Variants in MYO1F observed in about 807,000 individuals in gnomAD.
MYO1F encodes myosin IF.
Under a neutral mutation model 146.6 loss-of-function variants are expected in MYO1F, and 60 were observed. The observed-to-expected ratio is 0.41, with a 90% CI of 0.33 to 0.51. The LOEUF is 0.51. MYO1F is among the 20% of genes least tolerant of loss of function. The pLI is 0.25. For missense variants in MYO1F, 1,274 were observed against 1,534.3 expected (o/e 0.83, Z 2.83); for synonymous variants, 602 against 602.1 (o/e 1.00, Z 0.00).
intron 14 of MYO1F, among the ~76,000 whole-genome samples, chr19:8,543,699 G>GTGC (rs1568348479): frequency 5.3e-4 from 10 of 19,014 alleles, no homozygotes; most frequent in African/African-American, 1.8e-3. Context: ...GGTGGTGGTG[G>GTGC]TGGTGGTGCT....
chr19:8,572,976 A>G (rs2042137745), intron 1 of MYO1F, among the ~76,000 whole-genome samples: 1 of 152,198 alleles, frequency 6.6e-6, no homozygotes, highest in African/African-American at 2.4e-5. Context: ...GATTACAGGC[A>G]TGAGCCATTG....
rs934776190 is a variant in MYO1F, at chr19:8,551,820, C to T, written c.691G>A (p.Asp231Asn). 9 of 1,613,974 alleles carry T rather than the reference C, an allele frequency of 5.6e-6. No homozygotes were observed. Among genetic ancestry groups the T allele is most frequent in the East Asian group, 2.2e-5 (1 of 44,886 alleles). Residue 231 changes from aspartate (D) to asparagine (N), a missense_variant, in exon 8 of 28, where the codon GAC becomes AAC. Asp to Asn is a conservative substitution (Grantham distance 23). Coordinates refer to ENST00000644032, the MANE Select transcript of MYO1F (RefSeq NM_012335.4). ...QRQNLGLMTP[D>N]YYYYLNQSDT... ...GATTGGTTGAGGTAGTAATAGTAGT[C>T]CGGTGTCATGAGGCCCAGGTTCTGC... is the stretch of plus-strand genomic sequence containing the variant.
intron 10 of MYO1F, 156 bp downstream of exon 10, chr19:8,550,004 T>C: frequency 1.2e-6 from 1 of 811,896 alleles, no homozygotes; most frequent in Admixed American, 2.1e-5. Context: ...CTTGCTATGT[T>C]GCCCAGGCTG....
intron 27 of MYO1F, among the ~76,000 whole-genome samples, chr19:8,521,899 C>T (rs984751870): frequency 1.3e-5 from 2 of 152,154 alleles, no homozygotes; most frequent in African/African-American, 2.4e-5. Flanking sequence ...AAGTGATCCT[C>T]CTGCCTCAGC....
At chr19:8,525,655 C>A in intron 24 of MYO1F, 93 bp from the exon 25 acceptor site, 1 of 1,080,150 alleles carries the variant, frequency 9.3e-7, no homozygotes. Context: ...CCGCCGCACC[C>A]CGCCCCCTCA....
At chr19:8,569,098 T>TTGAATGAA (rs200334457) in intron 1 of MYO1F, among the ~76,000 whole-genome samples, 1 of 151,962 alleles carries the variant, frequency 6.6e-6, no homozygotes, top group South Asian at 2.1e-4. Flanking sequence ...TACATACTTG[T>TTGAATGAA]TGAATGAATG....
chr19:8,522,274 G>T (rs1466635412), intron 27 of MYO1F, 103 bp downstream of exon 27: 1 of 1,444,564 alleles, frequency 6.9e-7, no homozygotes, highest in Admixed American at 1.7e-5. Context: ...TGCCCGCCTT[G>T]GCCTCCCAAA....
intron 1 of MYO1F, among the ~76,000 whole-genome samples, chr19:8,556,345 TA>T (rs1258123546): frequency 6.7e-6 from 1 of 148,914 alleles, no homozygotes; most frequent in Non-Finnish European, 1.5e-5. Context: ...TTTTTTTAAT[TA>T]AAAAATTTTT....
At chr19:8,560,317 T>C (rs1974033243) in intron 1 of MYO1F, among the ~76,000 whole-genome samples, 1 of 151,586 alleles carries the variant, frequency 6.6e-6, no homozygotes, top group African/African-American at 2.4e-5. Context: ...ACCCCATCTC[T>C]ACTAAAAATA....
chr19:8,536,203 T>C (rs1268453803), intron 19 of MYO1F, 49 bp downstream of exon 19: 3 of 1,588,932 alleles, frequency 1.9e-6, no homozygotes, highest in East Asian at 2.2e-5. Flanking sequence ...CTCTATACCT[T>C]TCTCTCTCTT....
At chr19:8,534,132 T>C (rs947831212) in intron 19 of MYO1F, among the ~76,000 whole-genome samples, 1 of 150,440 alleles carries the variant, frequency 6.6e-6, no homozygotes, top group Admixed American at 6.7e-5. Flanking sequence ...TGAGCCAAGA[T>C]TGCGCCATTC....
intron 4 of MYO1F, among the ~76,000 whole-genome samples, chr19:8,553,918 T>TCTCTCG (rs1458811876): frequency 1.4e-5 from 2 of 145,080 alleles, no homozygotes; most frequent in Non-Finnish European, 3.1e-5. Context: ...TCTCTCTCTC[T>TCTCTCG]CTCTCGCTCT....
At chr19:8,570,566 C>T (rs1388431417) in intron 1 of MYO1F, among the ~76,000 whole-genome samples, 1 of 152,012 alleles carries the variant, frequency 6.6e-6, no homozygotes, top group Non-Finnish European at 1.5e-5. Flanking sequence ...AGGGTTTCAC[C>T]ACGTTGGCCA....
Position 8,561,380 on chromosome 19 carries a change from T to C in MYO1F, c.4-5584A>G, listed in dbSNP as rs1424404026. On this transcript the variant is annotated intron_variant, in intron 1 of 27. Coordinates refer to ENST00000644032, the MANE Select transcript of MYO1F (RefSeq NM_012335.4). ...TCCCTCCCTCCCTCCCTCCCTCCCTTCCCCCCTTCTTTCCTTCCTTCCTTT... is the reference window on the plus strand; with the variant it reads ...TCCCTCCCTCCCTCCCTCCCTCCCTCCCCCCCTTCTTTCCTTCCTTCCTTT... Among the ~76,000 whole-genome samples, 577 of 70,228 alleles carry C rather than the reference T, an allele frequency of 8.2e-3. 5 individuals carry two copies. Among genetic ancestry groups the C allele is most frequent in the African/African-American group, 0.025 (449 of 17,966 alleles). 46.1% of individuals were successfully genotyped at this position (70,228 alleles called of 152,430 possible).
In MYO1F at chr19:8,551,890, T is replaced by C; in HGVS notation, c.637-16A>G. 1.2e-6 allele frequency: 2 copies of C among 1,614,074 alleles called. No individual in the cohort carries two copies. Among genetic ancestry groups the C allele is most frequent in the Non-Finnish European group, 1.7e-6 (2 of 1,180,016 alleles). Reference sequence around the variant, plus strand: ...CTTCCAGCAGCTGGAGGGTGTGCCATGTTCATGCATCTGGTGCTTGCCTGG... The same window carrying C: ...CTTCCAGCAGCTGGAGGGTGTGCCACGTTCATGCATCTGGTGCTTGCCTGG... On this transcript the variant is annotated splice_polypyrimidine_tract_variant and intron_variant, in intron 7 of 27. Coordinates refer to ENST00000644032, the MANE Select transcript of MYO1F (RefSeq NM_012335.4).
In MYO1F at chr19:8,574,665, TTCTC is replaced by T. The variant is rs797031593; in HGVS notation, c.3+2638_3+2641del. On this transcript the variant is annotated intron_variant, in intron 1 of 27. Transcript: ENST00000644032. Reference sequence around the variant, plus strand: ...TCTTTCCTTTCTTTCTCTTTCTTCTTTCTCTCTTTCTTTCTTTCTTCCTTTCTCT... The same window carrying T: ...TCTTTCCTTTCTTTCTCTTTCTTCTTTCTTTCTTTCTTTCTTCCTTTCTCT... Among the ~76,000 whole-genome samples, 53 of 141,712 alleles carry T rather than the reference TTCTC, an allele frequency of 3.7e-4. 1 individual carries two copies. The highest frequency in any genetic ancestry group is 1.1e-3 in the African/African-American group (44 of 39,088). 93.0% of individuals were successfully genotyped at this position (141,712 alleles called of 152,430 possible).
intron 19 of MYO1F, among the ~76,000 whole-genome samples, chr19:8,535,790 C>G (rs1188330431): frequency 6.6e-6 from 1 of 151,994 alleles, no homozygotes; most frequent in African/African-American, 2.4e-5. Flanking sequence ...AGCCATTCTT[C>G]TGCCTCAGCC....
intron 12 of MYO1F, among the ~76,000 whole-genome samples, chr19:8,546,168 G>A (rs377470161): frequency 2.7e-5 from 4 of 147,604 alleles, no homozygotes; most frequent in Admixed American, 6.9e-5. Flanking sequence ...GAGTTCAAGC[G>A]ATTCTCCTGC....
chr19:8,553,894 A>ACACACACACACACACTCT, intron 4 of MYO1F, among the ~76,000 whole-genome samples: 17 of 102,662 alleles, frequency 1.7e-4, no homozygotes, highest in African/African-American at 5.8e-4. Flanking sequence ...ACACACACAC[A>ACACACACACACACACTCT]CTCTCTCTCT....
Sources: gnomAD v4.1 joint callset for allele counts (sites outside exome capture counted in the v4.1 genomes callset) on GRCh38, gnomAD v4.1.1 for gene constraint, MANE v1.5 for transcripts, NCBI Gene and HGNC (gene_info 2026-07-23, HGNC 2026-07-21) for gene names.